SGCZ: variants seen among roughly 807,000 people sequenced by gnomAD.
SGCZ encodes the protein sarcoglycan zeta.
A neutral mutation model predicts 41.3 loss-of-function variants in SGCZ; 40 were observed. The ratio of observed to expected loss-of-function variants is 0.97; its 90% confidence interval spans 0.75 to 1.26. The LOEUF is 1.26. SGCZ is among the 50% of genes most tolerant of loss of function. The probability of loss-of-function intolerance (pLI) is 0.00; values close to 1 mark genes in which losing one functional copy is unlikely to be tolerated. For synonymous variants in SGCZ, 206 were observed against 137.5 expected, an observed-to-expected ratio of 1.50 and a Z score of -3.49; for missense variants, 552 against 369.8, an observed-to-expected ratio of 1.49 and a Z score of -4.04.
chr8:14,562,718 C>A (rs1415209439), intron 1 of SGCZ, among the ~76,000 whole-genome samples: 1 of 151,856 alleles, frequency 6.6e-6, no homozygotes, highest in African/African-American at 2.4e-5. Flanking sequence ...TAAAGAAAAT[C>A]CAATAAATAG....
At chr8:14,935,024 A>C (rs1009977107) in intron 1 of SGCZ, among the ~76,000 whole-genome samples, 1 of 151,544 alleles carries the variant, frequency 6.6e-6, no homozygotes, top group Admixed American at 6.6e-5. Flanking sequence ...TGCAAAAAAA[A>C]AAAAAAACTT....
intron 1 of SGCZ, among the ~76,000 whole-genome samples, chr8:14,848,101 T>A (rs1221602374): frequency 6.6e-6 from 1 of 152,082 alleles, no homozygotes; most frequent in Admixed American, 6.6e-5. Context: ...GAAAATAAAA[T>A]TTTAAAAATA....
intron 2 of SGCZ, among the ~76,000 whole-genome samples, chr8:14,413,858 T>A (rs1799425618): frequency 6.6e-6 from 1 of 151,990 alleles, no homozygotes; most frequent in African/African-American, 2.4e-5. Context: ...AATCTTTCTT[T>A]GATTTGTTCT....
At chr8:14,946,345 T>C (rs1442007872) in intron 1 of SGCZ, among the ~76,000 whole-genome samples, 1 of 151,638 alleles carries the variant, frequency 6.6e-6, no homozygotes, top group Non-Finnish European at 1.5e-5. Context: ...CCACGTATAC[T>C]CCTCGCGCAT....
At chr8:14,133,459 A>C (rs1486130609) in intron 5 of SGCZ, among the ~76,000 whole-genome samples, 1 of 152,126 alleles carries the variant, frequency 6.6e-6, no homozygotes, top group Non-Finnish European at 1.5e-5. Context: ...TCTTTCACGT[A>C]GTCTCCAGAC....
At chr8:15,107,937 A>G (rs1235335160) in intron 1 of SGCZ, among the ~76,000 whole-genome samples, 2 of 152,176 alleles carry the variant, frequency 1.3e-5, no homozygotes, top group Non-Finnish European at 1.5e-5. Flanking sequence ...ACAAATCATT[A>G]TAAGTTTGTA....
At chr8:15,154,984 T>C (rs1413538647) in intron 1 of SGCZ, among the ~76,000 whole-genome samples, 1 of 152,102 alleles carries the variant, frequency 6.6e-6, no homozygotes, top group Non-Finnish European at 1.5e-5. Context: ...TTTTGAATAT[T>C]CCCAACACCA....
At chr8:14,575,253 C>G (rs377029136) in intron 1 of SGCZ, among the ~76,000 whole-genome samples, 60 of 152,116 alleles carry the variant, frequency 3.9e-4, no homozygotes, top group African/African-American at 1.4e-3. Context: ...AGAAGTAAAC[C>G]ACTGGAATAT....
chr8:14,419,137 T>C (rs955272212), intron 2 of SGCZ, among the ~76,000 whole-genome samples: 8 of 151,876 alleles, frequency 5.3e-5, no homozygotes, highest in African/African-American at 1.9e-4. Flanking sequence ...AAATATTTAA[T>C]ATATTACCAA....
chr8:14,217,970 G>A (rs1293300208), intron 4 of SGCZ, among the ~76,000 whole-genome samples: 1 of 151,946 alleles, frequency 6.6e-6, no homozygotes, highest in African/African-American at 2.4e-5. Context: ...GGAAAAGAAG[G>A]AAGTGTTCTC....
At chr8:14,125,375 G>A (rs1411920171) in intron 5 of SGCZ, among the ~76,000 whole-genome samples, 1 of 151,890 alleles carries the variant, frequency 6.6e-6, no homozygotes, top group African/African-American at 2.4e-5. Context: ...ATGGTGGCGG[G>A]CGCCTGTAGT....
intron 2 of SGCZ, among the ~76,000 whole-genome samples, chr8:14,326,099 G>T (rs546687666): frequency 0.05 from 188 of 3,768 alleles, no homozygotes; most frequent in African/African-American, 0.062. Flanking sequence ...GCGAAAGAGT[G>T]AGACTCCGTC....
chr8:14,323,116 C>T (rs997551882), intron 3 of SGCZ, among the ~76,000 whole-genome samples: 4 of 151,908 alleles, frequency 2.6e-5, no homozygotes, highest in African/African-American at 4.8e-5. Flanking sequence ...TATCAGTTTG[C>T]ATATTTTAAA....
rs569294002 is a variant in SGCZ at position 14,507,999 on chromosome 8, GA to G, written c.234+46732del. Reference sequence around the variant, plus strand: ...TTGGTCAGGCTGGTCTCAAACTCCCGAAATCAGGTGATCTGGCCGCCTCGGC... The same window carrying G: ...TTGGTCAGGCTGGTCTCAAACTCCCGAATCAGGTGATCTGGCCGCCTCGGC... On this transcript the variant is annotated intron_variant, in intron 2 of 7. Coordinates refer to ENST00000382080, the MANE Select transcript of SGCZ (RefSeq NM_139167.4). 1.4e-4 allele frequency among the ~76,000 whole-genome samples: 21 copies of G among 152,120 alleles called. No individual in the cohort carries two copies. In the South Asian group the frequency reaches 2.9e-3, roughly 21 times the overall value.
chr8:14,358,007 C>CT, intron 2 of SGCZ, among the ~76,000 whole-genome samples: 1 of 152,174 alleles, frequency 6.6e-6, no homozygotes, highest in Non-Finnish European at 1.5e-5. Flanking sequence ...ACCATATTAG[C>CT]AGTCCCTAAA....
Position 14,125,575 on chromosome 8 carries a change from A to T in SGCZ, c.548-17340T>A, listed in dbSNP as rs1802827833. On this transcript the variant is annotated intron_variant, in intron 5 of 7. Coordinates refer to ENST00000382080, the MANE Select transcript of SGCZ (RefSeq NM_139167.4). ...CTGCCCAAAGTAATTTACAGATTTA[A>T]TGCTATTTCCATCAAACTACAATGG... is the stretch of plus-strand genomic sequence containing the variant. 2.0e-5 allele frequency among the ~76,000 whole-genome samples: 3 copies of T among 152,158 alleles called. No individual in the cohort carries two copies. In the South Asian group the frequency reaches 6.2e-4, roughly 31 times the overall value.
At chr8:14,144,306 T>C (rs189066253) in intron 5 of SGCZ, among the ~76,000 whole-genome samples, 170 of 152,282 alleles carry the variant, frequency 1.1e-3, no homozygotes, top group African/African-American at 3.5e-3. Flanking sequence ...AGATAAGTCA[T>C]AGTCAGAGTC....
At chr8:14,369,346 T>C (rs548166684) in intron 2 of SGCZ, among the ~76,000 whole-genome samples, 1 of 152,030 alleles carries the variant, frequency 6.6e-6, no homozygotes, top group Admixed American at 6.6e-5. Flanking sequence ...ATATTAGCTA[T>C]TTTGTAGAAC....
chr8:14,163,673 T>C (rs564554172), intron 5 of SGCZ, among the ~76,000 whole-genome samples: 1 of 152,266 alleles, frequency 6.6e-6, no homozygotes, highest in South Asian at 2.1e-4. Context: ...GAGTTGAATA[T>C]ATGGAGAGGC....
Sources: allele counts gnomAD v4.1 joint callset (sites outside exome capture counted in the v4.1 genomes callset), GRCh38; gene constraint gnomAD v4.1.1; transcripts MANE v1.5; gene names NCBI Gene and HGNC (gene_info 2026-07-23, HGNC 2026-07-21).